ST3GAL3: variants seen among roughly 807,000 people sequenced by gnomAD.
ST3GAL3 encodes ST3 beta-galactoside alpha-2,3-sialyltransferase 3.
ST3GAL3 carries 21 observed loss-of-function variants against 50.1 expected under a neutral mutation model. The ratio of observed to expected loss-of-function variants is 0.42; its 90% CI spans 0.30 to 0.60. The LOEUF (loss-of-function observed/expected upper bound fraction) is 0.60. ST3GAL3 is among the 20% of genes least tolerant of loss of function. The probability of loss-of-function intolerance (pLI) is 0.19; values close to 1 mark genes in which losing one functional copy is unlikely to be tolerated. For missense variants in ST3GAL3, 353 were observed against 489.4 expected, an observed-to-expected ratio of 0.72 and a Z score of 2.63; for synonymous variants, 183 against 190.0, an observed-to-expected ratio of 0.96 and a Z score of 0.30.
intron 2 of ST3GAL3, among the ~76,000 whole-genome samples, chr1:43,784,275 G>A (rs989601804): frequency 5.9e-5 from 9 of 152,114 alleles, no homozygotes; most frequent in East Asian, 3.9e-4. Context: ...TTGGGAGGCC[G>A]AGGTGGGTGG....
intron 1 of ST3GAL3, among the ~76,000 whole-genome samples, chr1:43,732,517 A>G (rs1676387453): frequency 6.6e-6 from 1 of 152,184 alleles, no homozygotes; most frequent in African/African-American, 2.4e-5. Flanking sequence ...TGCCGTTTCT[A>G]GTCCCTGGCT....
intron 5 of ST3GAL3, among the ~76,000 whole-genome samples, chr1:43,842,987 G>A (rs1401198979): frequency 6.6e-6 from 1 of 152,090 alleles, no homozygotes; most frequent in Non-Finnish European, 1.5e-5. Flanking sequence ...TTATGACTTT[G>A]TGCCAGTACC....
chr1:43,929,997 G>A (rs1164970919), intron 11 of ST3GAL3, 135 bp from the exon 12 acceptor site: 2 of 790,412 alleles, frequency 2.5e-6, no homozygotes, highest in Non-Finnish European at 4.5e-6. Context: ...AGACACAACT[G>A]ATTACCAGTA....
chr1:43,730,415 A>G (rs922476249), intron 1 of ST3GAL3, among the ~76,000 whole-genome samples: 1 of 152,148 alleles, frequency 6.6e-6, no homozygotes, highest in Non-Finnish European at 1.5e-5. Context: ...ATTCTTTCTA[A>G]GAGCCACTTG....
chr1:43,731,314 C>T (rs1267800658), intron 1 of ST3GAL3, among the ~76,000 whole-genome samples: 2 of 151,772 alleles, frequency 1.3e-5, no homozygotes, highest in Admixed American at 6.6e-5. Context: ...TGGGTTCAAG[C>T]GATTCCCCTG....
intron 3 of ST3GAL3, among the ~76,000 whole-genome samples, chr1:43,812,546 C>T (rs778858342): frequency 5.9e-5 from 9 of 152,216 alleles, no homozygotes; most frequent in East Asian, 1.9e-4. Flanking sequence ...ACTGCAGCCT[C>T]GATCTCCCAG....
At chr1:43,875,256 G>A (rs2073837948) in intron 5 of ST3GAL3, among the ~76,000 whole-genome samples, 1 of 152,150 alleles carries the variant, frequency 6.6e-6, no homozygotes, top group South Asian at 2.1e-4. Context: ...TATGACAGCA[G>A]GTGAGCTATA....
intron 1 of ST3GAL3, among the ~76,000 whole-genome samples, chr1:43,728,939 G>GAGT (rs2154081530): frequency 6.6e-6 from 1 of 152,142 alleles, no homozygotes; most frequent in Admixed American, 6.5e-5. Context: ...GCCCAGGCTG[G>GAGT]AGTGCAGTTG....
chr1:43,781,895 C>T (rs1053389092), intron 2 of ST3GAL3, among the ~76,000 whole-genome samples: 9 of 152,176 alleles, frequency 5.9e-5, no homozygotes, highest in African/African-American at 1.4e-4. Flanking sequence ...CAAACCACTG[C>T]GGTTTGCCAG....
chr1:43,721,460 C>T (rs1165886128), intron 1 of ST3GAL3, among the ~76,000 whole-genome samples: 1 of 150,152 alleles, frequency 6.7e-6, no homozygotes, highest in Non-Finnish European at 1.5e-5. Context: ...GTGTGCCACC[C>T]CACCCAGCTA....
intron 1 of ST3GAL3, among the ~76,000 whole-genome samples, chr1:43,730,571 C>CTTTTTTTT (rs11318191): frequency 2.5e-5 from 3 of 122,388 alleles, no homozygotes; most frequent in Non-Finnish European, 3.4e-5. Context: ...TCTTTTCTTT[C>CTTTTTTTT]TTTTTTTTTT....
At chr1:43,721,909 A>AT (rs202168722) in intron 1 of ST3GAL3, among the ~76,000 whole-genome samples, 2 of 151,794 alleles carry the variant, frequency 1.3e-5, no homozygotes, top group African/African-American at 4.8e-5. Context: ...CCCCTCATGT[A>AT]TTTTTTTTCA....
chr1:43,905,279 T>C (rs1186439315), intron 9 of ST3GAL3, among the ~76,000 whole-genome samples: 15 of 73,016 alleles, frequency 2.1e-4, no homozygotes, highest in African/African-American at 8.1e-4. Context: ...ACTCTTCCTC[T>C]CCTGCCTCCT....
At chr1:43,727,577 G>A (rs1673553937) in intron 1 of ST3GAL3, among the ~76,000 whole-genome samples, 1 of 152,160 alleles carries the variant, frequency 6.6e-6, no homozygotes, top group Non-Finnish European at 1.5e-5. Flanking sequence ...GAAAGTGGAT[G>A]GCTGAGTGGG....
rs554436907 is a variant in ST3GAL3 at position 43,731,546 on chromosome 1, G to A, written c.-30-4687G>A. Among the ~76,000 whole-genome samples, 175 of 138,666 alleles carry A rather than the reference G, an allele frequency of 1.3e-3. 1 individual carries two copies. The highest frequency in any genetic ancestry group is 4.5e-3 in the African/African-American group (167 of 37,272). The allele number at this position is 138,666 out of a possible 152,430, so 91.0% of individuals were successfully genotyped here. A position where few individuals can be genotyped will look rare whatever the true frequency, so the allele number is the denominator to read the frequency against. On this transcript the variant is annotated intron_variant, in intron 1 of 11. Coordinates refer to ENST00000347631, the MANE Select transcript of ST3GAL3 (RefSeq NM_006279.5). Reference sequence around the variant, plus strand: ...GCTACAGGCGCCCGCCACCATGCCCGGCTAATTTTAATTTTTTTTTTTTTT... The same window carrying A: ...GCTACAGGCGCCCGCCACCATGCCCAGCTAATTTTAATTTTTTTTTTTTTT...
chr1:43,747,448 G>T (rs1372182639), intron 2 of ST3GAL3, among the ~76,000 whole-genome samples: 1 of 152,024 alleles, frequency 6.6e-6, no homozygotes, highest in East Asian at 1.9e-4. Context: ...GATACCTGGG[G>T]TGAAGGATGG....
chr1:43,729,255 A>G (rs905067484), intron 1 of ST3GAL3, among the ~76,000 whole-genome samples: 1 of 151,948 alleles, frequency 6.6e-6, no homozygotes, highest in Non-Finnish European at 1.5e-5. Context: ...ACGCCCAGCT[A>G]TCGAGACAAT....
intron 2 of ST3GAL3, among the ~76,000 whole-genome samples, chr1:43,765,794 CGCGCGCGT>C (rs1692581964): frequency 1.4e-5 from 2 of 146,410 alleles, no homozygotes; most frequent in African/African-American, 5.5e-5. Context: ...TGCGCGCGCG[CGCGCGCGT>C]CCGCGCGTCC....
At chr1:43,799,197 G>T (rs1011505383) in intron 3 of ST3GAL3, among the ~76,000 whole-genome samples, 7 of 152,146 alleles carry the variant, frequency 4.6e-5, no homozygotes, top group African/African-American at 1.7e-4. Context: ...GTAAATAGGG[G>T]TTTCAAATGG....
Sources: gnomAD v4.1 joint callset for allele counts (sites outside exome capture counted in the v4.1 genomes callset) on GRCh38, gnomAD v4.1.1 for gene constraint, MANE v1.5 for transcripts, NCBI Gene and HGNC (gene_info 2026-07-23, HGNC 2026-07-21) for gene names.